Variants in UTY observed in about 807,000 individuals in gnomAD.
UTY encodes histone demethylase UTY.
Under a neutral mutation model 32.5 loss-of-function variants are expected in UTY, and 12 were observed. The ratio of observed to expected loss-of-function variants is 0.37; its 90% confidence interval spans 0.24 to 0.60. The LOEUF (loss-of-function observed/expected upper bound fraction) is 0.60, where lower values mean the gene tolerates loss of function less well. UTY is among the 20% of genes least tolerant of loss of function. The pLI is 0.69. For synonymous variants in UTY, 131 were observed against 103.4 expected, an observed-to-expected ratio of 1.27 and a Z score of -1.62; for missense variants, 303 against 299.2, an observed-to-expected ratio of 1.01 and a Z score of -0.09.
intron 4 of UTY, among the ~76,000 whole-genome samples, chrY:13,427,322 A>C: frequency 3.0e-5 from 1 of 33,632 alleles, no homozygotes; most frequent in Non-Finnish European, 7.5e-5. Flanking sequence ...ACAAATAATA[A>C]AATTGCCTCA....
chrY:13,348,225 C>T, intron 17 of UTY, among the ~76,000 whole-genome samples: 1 of 33,492 alleles, frequency 3.0e-5, no homozygotes, highest in African/African-American at 1.2e-4. Context: ...GTAGAGAATG[C>T]TGGAGACAAT....
At chrY:13,284,093 G>A in intron 27 of UTY, among the ~76,000 whole-genome samples, 1 of 33,313 alleles carries the variant, frequency 3.0e-5, no homozygotes, top group African/African-American at 1.2e-4. Flanking sequence ...AGTGAAAGTT[G>A]AGACATGTTG....
At chrY:13,428,480 T>A in intron 4 of UTY, among the ~76,000 whole-genome samples, 1 of 33,622 alleles carries the variant, frequency 3.0e-5, no homozygotes, top group Admixed American at 2.7e-4. Context: ...TGACCTTGTC[T>A]AATAACAGCT....
intron 28 of UTY, among the ~76,000 whole-genome samples, chrY:13,239,560 A>C (rs1028603956): frequency 3.0e-5 from 1 of 33,888 alleles, no homozygotes; most frequent in Non-Finnish European, 7.3e-5. Context: ...TTACAAAGAG[A>C]AAATTCTAAG....
At chrY:13,242,912 A>G in intron 28 of UTY, among the ~76,000 whole-genome samples, 1 of 33,314 alleles carries the variant, frequency 3.0e-5, no homozygotes, top group Non-Finnish European at 7.4e-5. Flanking sequence ...GTCCAAATGC[A>G]ATAGAATGAA....
In UTY at chrY:13,309,284, A is replaced by G. The variant is rs1569447466; in HGVS notation, c.3277-3034T>C. Among the ~76,000 whole-genome samples the G allele has an allele frequency of 2.7e-4, 9 of 33,857 alleles. No homozygotes were observed. The East Asian group carries it at 3.1e-3, about 12-fold the overall frequency. The allele number at this position is 33,857 out of a possible 37,273, so 90.8% of individuals were successfully genotyped here. On this transcript the variant is annotated intron_variant, in intron 21 of 29. Transcript: ENST00000545955. ...AAGCCCTCACACTTCCCTATGTAAA[A>G]AAATTTAAAACTACCTAATGTAGGG...
chrY:13,377,110 T>C, intron 8 of UTY, among the ~76,000 whole-genome samples: 2 of 33,001 alleles, frequency 6.1e-5, no homozygotes, highest in Non-Finnish European at 1.5e-4. Flanking sequence ...ATGAAAGAAA[T>C]TGAATTATAA....
intron 3 of UTY, among the ~76,000 whole-genome samples, chrY:13,469,005 A>G: frequency 6.1e-5 from 2 of 32,898 alleles, no homozygotes; most frequent in Non-Finnish European, 1.5e-4. Flanking sequence ...TCTACTACCC[A>G]TATTTGCTGG....
chrY:13,398,975 T>C, intron 6 of UTY, among the ~76,000 whole-genome samples: 1 of 33,330 alleles, frequency 3.0e-5, no homozygotes, highest in African/African-American at 1.2e-4. Flanking sequence ...AATCTCTGTG[T>C]ACACCAATGT....
At chrY:13,389,185 TA>T (rs2067244819) in intron 8 of UTY, among the ~76,000 whole-genome samples, 1 of 32,982 alleles carries the variant, frequency 3.0e-5, no homozygotes, top group Non-Finnish European at 7.4e-5. Context: ...CTTTTACTTG[TA>T]GGTTACTTTT....
chrY:13,235,914 C>A, intron 28 of UTY, among the ~76,000 whole-genome samples: 1 of 33,115 alleles, frequency 3.0e-5, no homozygotes, highest in Non-Finnish European at 7.4e-5. Flanking sequence ...TATAGGCATA[C>A]AACATCATGC....
At chrY:13,312,243 A>G (rs1603371885) in intron 21 of UTY, among the ~76,000 whole-genome samples, 5 of 31,655 alleles carry the variant, frequency 1.6e-4, no homozygotes, top group African/African-American at 3.7e-4. Flanking sequence ...AATACAAAAA[A>G]TTAGCCGGGC....
At position 13,299,083 on chromosome Y, in the gene UTY, T is replaced by C; in HGVS notation, c.3742A>G (p.Asn1248Asp). The change falls in exon 26 of 30, where the codon AAT becomes GAT. Residue 1248 changes from asparagine to aspartate, a missense_variant. Asn to Asp is a conservative substitution (Grantham distance 23, BLOSUM62 1). Transcript: ENST00000545955. ...WPNLEDLYEA[N>D]VPVYRFIQRP... ...TGAATAAATCTATACACAGGGACAT[T>C]TGCTTCATAAAGATCTTCAAGGTTG... The C allele has an allele frequency of 1.5e-5, 6 of 394,206 alleles. No homozygotes were observed. The highest frequency in any genetic ancestry group is 2.1e-5 in the Non-Finnish European group (6 of 281,172).
intron 27 of UTY, among the ~76,000 whole-genome samples, chrY:13,296,885 G>C (rs2058061031): frequency 3.0e-5 from 1 of 33,594 alleles, no homozygotes; most frequent in Non-Finnish European, 7.3e-5. Flanking sequence ...TTCTGGACTT[G>C]TGAGCCCTCA....
At chrY:13,411,417 GT>G (rs2070940014) in intron 5 of UTY, among the ~76,000 whole-genome samples, 2 of 33,752 alleles carry the variant, frequency 5.9e-5, no homozygotes, top group Non-Finnish European at 1.5e-4. Flanking sequence ...GAAAGTGAAG[GT>G]GTTAATTCTG....
intron 18 of UTY, among the ~76,000 whole-genome samples, chrY:13,331,812 T>G: frequency 3.0e-5 from 1 of 32,897 alleles, no homozygotes; most frequent in Non-Finnish European, 7.5e-5. Flanking sequence ...AAGAAAGATA[T>G]CAGAGATTGA....
intron 27 of UTY, 23 bp from the exon 28 acceptor site, chrY:13,260,427 G>T: frequency 8.0e-6 from 3 of 374,530 alleles, no homozygotes; most frequent in Non-Finnish European, 1.1e-5. Flanking sequence ...AAAACTATTT[G>T]TGAGAGTAAC....
intron 8 of UTY, among the ~76,000 whole-genome samples, chrY:13,376,014 T>G: frequency 2.9e-5 from 1 of 33,995 alleles, no homozygotes; most frequent in African/African-American, 1.1e-4. Flanking sequence ...AGTTGTATGC[T>G]AATAGTACTA....
intron 4 of UTY, among the ~76,000 whole-genome samples, chrY:13,422,394 AAGT>A (rs2072693440): frequency 3.0e-5 from 1 of 33,505 alleles, no homozygotes; most frequent in South Asian, 6.6e-4. Context: ...AACTGAGCAT[AAGT>A]AGAAGACAGT....
Sources: gnomAD v4.1 joint callset for allele counts (sites outside exome capture counted in the v4.1 genomes callset) on GRCh38, gnomAD v4.1.1 for gene constraint, MANE v1.5 for transcripts, NCBI Gene and HGNC (gene_info 2026-07-23, HGNC 2026-07-21) for gene names.